The following GABRB1 variants were observed in gnomAD, a reference collection of about 807,000 sequenced individuals.
GABRB1 encodes gamma-aminobutyric acid type A receptor subunit beta1, also known as gamma-aminobutyric acid receptor subunit beta-1.
A neutral mutation model predicts 51.6 loss-of-function variants in GABRB1; 17 were observed. That is an observed-to-expected ratio of 0.33 (90% CI 0.23 to 0.49). The LOEUF (loss-of-function observed/expected upper bound fraction) is 0.49, where lower values mean the gene tolerates loss of function less well. Ranked by LOEUF, GABRB1 falls within the 20% of genes least tolerant of loss-of-function variation. The pLI, the probability that GABRB1 is intolerant of heterozygous loss-of-function variation, is 0.99. For missense variants in GABRB1, 410 were observed against 600.6 expected, an observed-to-expected ratio of 0.68 and a Z score of 3.32; for synonymous variants, 247 against 218.9, an observed-to-expected ratio of 1.13 and a Z score of -1.14.
intron 3 of GABRB1, among the ~76,000 whole-genome samples, chr4:47,097,056 C>T (rs1422614652): frequency 6.6e-6 from 1 of 152,176 alleles, no homozygotes; most frequent in Non-Finnish European, 1.5e-5. Context: ...GCCTACGTTC[C>T]AGTCTCAAAA....
At chr4:47,348,903 G>T (rs1240296626) in intron 5 of GABRB1, among the ~76,000 whole-genome samples, 1 of 152,132 alleles carries the variant, frequency 6.6e-6, no homozygotes, top group African/African-American at 2.4e-5. Context: ...TGAATTCCAG[G>T]GAGAGGTAAA....
chr4:47,138,906 A>G (rs1415425280), intron 3 of GABRB1, among the ~76,000 whole-genome samples: 1 of 152,060 alleles, frequency 6.6e-6, no homozygotes, highest in Non-Finnish European at 1.5e-5. Context: ...TGCCATTAAA[A>G]TGTTTAAAGC....
chr4:47,059,613 C>T (rs1163427817), intron 3 of GABRB1, among the ~76,000 whole-genome samples: 1 of 152,082 alleles, frequency 6.6e-6, no homozygotes, highest in African/African-American at 2.4e-5. Flanking sequence ...CTTGCTGCAA[C>T]ATTAAAGCCT....
intron 3 of GABRB1, among the ~76,000 whole-genome samples, chr4:47,106,480 A>G (rs758662827): frequency 2.0e-5 from 3 of 152,124 alleles, no homozygotes; most frequent in Non-Finnish European, 2.9e-5. Flanking sequence ...AAGCTTCATT[A>G]TATACAATTA....
intron 3 of GABRB1, among the ~76,000 whole-genome samples, chr4:47,137,040 G>A (rs370905541): frequency 3.3e-4 from 50 of 152,182 alleles, no homozygotes; most frequent in African/African-American, 1.2e-3. Context: ...ATGAAAATGC[G>A]GAAAGGGCGC....
At chr4:47,189,230 AG>A (rs1373098163) in intron 4 of GABRB1, among the ~76,000 whole-genome samples, 1 of 151,916 alleles carries the variant, frequency 6.6e-6, no homozygotes, top group Non-Finnish European at 1.5e-5. Context: ...ATACTTGGAA[AG>A]TTTTGGAGTG....
intron 3 of GABRB1, among the ~76,000 whole-genome samples, chr4:47,035,155 A>G (rs1371084683): frequency 6.6e-6 from 1 of 152,148 alleles, no homozygotes; most frequent in Non-Finnish European, 1.5e-5. Context: ...AGATTTGAGA[A>G]CTAGGTTCCA....
chr4:47,295,903 G>A (rs568700552), intron 4 of GABRB1, among the ~76,000 whole-genome samples: 53 of 152,266 alleles, frequency 3.5e-4, no homozygotes, highest in Middle Eastern at 6.8e-3. Flanking sequence ...GACTAACAGC[G>A]GATCTCTTGG....
At chr4:47,181,960 G>A (rs1718967836) in intron 4 of GABRB1, among the ~76,000 whole-genome samples, 1 of 152,098 alleles carries the variant, frequency 6.6e-6, no homozygotes, top group East Asian at 1.9e-4. Flanking sequence ...GGATCCAACT[G>A]TGTTTGGATG....
At chr4:47,073,359 A>G (rs1727421298) in intron 3 of GABRB1, among the ~76,000 whole-genome samples, 1 of 152,196 alleles carries the variant, frequency 6.6e-6, no homozygotes, top group African/African-American at 2.4e-5. Context: ...TTTCTTGCTT[A>G]TTCTATTTAC....
chr4:47,168,461 T>A (rs1347657582), intron 4 of GABRB1, among the ~76,000 whole-genome samples: 1 of 152,148 alleles, frequency 6.6e-6, no homozygotes, highest in African/African-American at 2.4e-5. Flanking sequence ...TTTGAAGAAA[T>A]GATGTCATGT....
intron 4 of GABRB1, among the ~76,000 whole-genome samples, chr4:47,269,522 G>A (rs1404518708): frequency 1.3e-5 from 2 of 152,112 alleles, no homozygotes; most frequent in Admixed American, 6.6e-5. Context: ...GAGGTGTGGG[G>A]GAGGGGGTAG....
intron 4 of GABRB1, among the ~76,000 whole-genome samples, chr4:47,257,557 G>C (rs932689787): frequency 1.3e-5 from 2 of 152,016 alleles, no homozygotes; most frequent in Admixed American, 1.3e-4. Flanking sequence ...GGTGGGTGTA[G>C]GGAGGGAGGG....
At chr4:47,055,149 A>G (rs1726534513) in intron 3 of GABRB1, among the ~76,000 whole-genome samples, 2 of 152,244 alleles carry the variant, frequency 1.3e-5, no homozygotes. Flanking sequence ...CCTATCAACC[A>G]GGGAAAATAA....
intron 4 of GABRB1, among the ~76,000 whole-genome samples, chr4:47,268,182 C>T (rs1320696601): frequency 2.0e-5 from 3 of 151,992 alleles, no homozygotes; most frequent in Non-Finnish European, 4.4e-5. Context: ...CCTGATACTT[C>T]AAAACTAAAA....
intron 3 of GABRB1, among the ~76,000 whole-genome samples, chr4:47,095,349 G>A (rs1321439453): frequency 4.6e-5 from 7 of 151,980 alleles, no homozygotes. Context: ...TGTGGGTGCA[G>A]CAATACGTGA....
intron 1 of GABRB1, among the ~76,000 whole-genome samples, chr4:47,004,393 T>C (rs1250708484): frequency 1.3e-5 from 2 of 152,234 alleles, no homozygotes; most frequent in African/African-American, 4.8e-5. Context: ...GTCAAGATTA[T>C]AGGCATGATG....
intron 4 of GABRB1, among the ~76,000 whole-genome samples, chr4:47,193,516 T>C (rs866654889): frequency 6.6e-6 from 1 of 152,222 alleles, no homozygotes; most frequent in Non-Finnish European, 1.5e-5. Flanking sequence ...TTAATCTAAG[T>C]CTCAATTTCC....
chr4:47,343,334 C>T (rs1309204485), intron 5 of GABRB1, among the ~76,000 whole-genome samples: 1 of 152,116 alleles, frequency 6.6e-6, no homozygotes, highest in African/African-American at 2.4e-5. Flanking sequence ...GGAGACAAGT[C>T]AGTTTGGGAT....
Sources: allele counts gnomAD v4.1 joint callset (sites outside exome capture counted in the v4.1 genomes callset), GRCh38; gene constraint gnomAD v4.1.1; transcripts MANE v1.5; gene names NCBI Gene and HGNC (gene_info 2026-07-23, HGNC 2026-07-21).